The following KLHDC10 variants were observed in gnomAD, a reference collection of about 807,000 sequenced individuals.
KLHDC10 encodes the protein kelch domain containing 10.
A neutral mutation model predicts 56.1 loss-of-function variants in KLHDC10; 24 were observed. The ratio of observed to expected loss-of-function variants is 0.43; its 90% CI spans 0.31 to 0.60. The LOEUF is 0.60. KLHDC10 is among the 20% of genes least tolerant of loss of function. The pLI is 0.11. For synonymous variants in KLHDC10, 188 were observed against 207.1 expected, an observed-to-expected ratio of 0.91 and a Z score of 0.79; for missense variants, 349 against 567.0, an observed-to-expected ratio of 0.62 and a Z score of 3.91.
chr7:130,131,638 G>C lies in KLHDC10; in HGVS notation c.*892G>C, dbSNP rs1796402684. ...GAATTGTAGACCCTAAGTATGTGGT[G>C]TAAATGCCATGTAACATGAACACAA... On this transcript the variant is annotated 3_prime_UTR_variant, in exon 10 of 10. Coordinates refer to ENST00000335420, the MANE Select transcript of KLHDC10 (RefSeq NM_014997.4). 1.3e-5 allele frequency: 2 copies of C among 152,196 alleles called. No homozygotes were observed. Among genetic ancestry groups the C allele is most frequent in the South Asian group, 4.1e-4 (2 of 4,836 alleles). The allele number at this position is 152,196 out of a possible 1,614,324, so 9.4% of individuals were successfully genotyped here.
At chr7:130,071,718 T>C (rs1795413535) in intron 1 of KLHDC10, among the ~76,000 whole-genome samples, 1 of 152,184 alleles carries the variant, frequency 6.6e-6, no homozygotes. Flanking sequence ...AAAAGAACTA[T>C]CAGGAATGAT....
intron 1 of KLHDC10, among the ~76,000 whole-genome samples, chr7:130,095,639 T>G (rs531148202): frequency 6.6e-6 from 1 of 152,316 alleles, no homozygotes; most frequent in South Asian, 2.1e-4. Context: ...GTGATGCCAT[T>G]TCATTATACA....
chr7:130,100,969 A>G (rs1795920708), intron 2 of KLHDC10, among the ~76,000 whole-genome samples: 1 of 151,680 alleles, frequency 6.6e-6, no homozygotes, highest in African/African-American at 2.4e-5. Flanking sequence ...GACAAAACAG[A>G]CATAAGACAA....
chr7:130,114,252 A>G (rs1198769836), intron 2 of KLHDC10, among the ~76,000 whole-genome samples: 1 of 152,236 alleles, frequency 6.6e-6, no homozygotes, highest in Non-Finnish European at 1.5e-5. Context: ...CAAAATGCAT[A>G]GAAAAAATTA....
intron 2 of KLHDC10, among the ~76,000 whole-genome samples, chr7:130,103,436 AT>A (rs1038728501): frequency 1.2e-4 from 18 of 147,210 alleles, no homozygotes; most frequent in Non-Finnish European, 2.4e-4. Flanking sequence ...AAAAAAAAAA[AT>A]CTGAGTTTTC....
In KLHDC10 at chr7:130,095,277, T is replaced by G. The variant is rs192159262; in HGVS notation, c.167-1644T>G. Among the ~76,000 whole-genome samples the G allele has an allele frequency of 3.7e-4, 56 of 151,962 alleles. No individual in the cohort carries two copies. The East Asian group carries it at 0.01, about 28-fold the overall frequency. On this transcript the variant is annotated intron_variant, in intron 1 of 9. Transcript: ENST00000335420. ...TAGATATGGGCTTGCAAATTTTCAGTTTTTCCACGAAAAAATATTAAAAAG... is the reference window on the plus strand; with the variant it reads ...TAGATATGGGCTTGCAAATTTTCAGGTTTTCCACGAAAAAATATTAAAAAG...
chr7:130,110,966 A>G (rs1164487077), intron 2 of KLHDC10, among the ~76,000 whole-genome samples: 3 of 152,098 alleles, frequency 2.0e-5, no homozygotes, highest in African/African-American at 7.2e-5. Context: ...ATATATTTAC[A>G]TTCATATATT....
intron 6 of KLHDC10, among the ~76,000 whole-genome samples, chr7:130,124,954 T>A (rs537274708): frequency 6.6e-6 from 1 of 152,212 alleles, no homozygotes; most frequent in Non-Finnish European, 1.5e-5. Flanking sequence ...TCTAAAGGGC[T>A]GTTATTCATC....
chr7:130,130,927 C>T lies in KLHDC10; in HGVS notation c.*181C>T, dbSNP rs890505460. 6 of 588,806 alleles carry T rather than the reference C, an allele frequency of 1.0e-5. No homozygotes were observed. The highest frequency in any genetic ancestry group is 3.7e-5 in the African/African-American group (2 of 53,644). 36.5% of individuals were successfully genotyped at this position (588,806 alleles called of 1,614,324 possible). On this transcript the variant is annotated 3_prime_UTR_variant, in exon 10 of 10. Transcript: ENST00000335420. This position sits in a 1 kb window ranked among gnomAD's most constrained non-coding sequence, Gnocchi z 4.2. ...AGTTTATGGACATCTCACTTTCCCA[C>T]GTGCTTCCTTCTTTGCTTCTGTTCC...
At chr7:130,110,574 A>G (rs373896492) in intron 2 of KLHDC10, among the ~76,000 whole-genome samples, 2 of 152,320 alleles carry the variant, frequency 1.3e-5, no homozygotes, top group East Asian at 1.9e-4. Flanking sequence ...CTCTGGGAGT[A>G]GTAAAAAGTT....
chr7:130,103,715 T>G (rs1440421367), intron 2 of KLHDC10, among the ~76,000 whole-genome samples: 1 of 152,048 alleles, frequency 6.6e-6, no homozygotes, highest in East Asian at 1.9e-4. Context: ...AATGTTTAAG[T>G]GGGGGGGTCA....
intron 4 of KLHDC10, 128 bp downstream of exon 4, chr7:130,121,031 T>C: frequency 1.1e-6 from 1 of 886,564 alleles, no homozygotes; most frequent in South Asian, 1.9e-5. Context: ...AGTACTTGAT[T>C]TTTTAGTTCT....
At chr7:130,104,718 G>T (rs1391013334) in intron 2 of KLHDC10, among the ~76,000 whole-genome samples, 1 of 152,192 alleles carries the variant, frequency 6.6e-6, no homozygotes, top group Non-Finnish European at 1.5e-5. Flanking sequence ...GTGGGAGCAG[G>T]TGTCTTACAT....
intron 2 of KLHDC10, among the ~76,000 whole-genome samples, chr7:130,098,034 T>TA (rs1222064474): frequency 6.6e-6 from 1 of 151,978 alleles, no homozygotes; most frequent in Non-Finnish European, 1.5e-5. Context: ...TTTTTTTTTT[T>TA]AACCTAGGAA....
chr7:130,115,047 AT>A (rs147974564), intron 2 of KLHDC10, among the ~76,000 whole-genome samples: 9,044 of 152,252 alleles, frequency 0.059, 318 homozygotes, highest in South Asian at 0.13. Context: ...GTTGCTCTCA[AT>A]CTGTGCACAA....
intron 1 of KLHDC10, among the ~76,000 whole-genome samples, chr7:130,073,035 C>T (rs912672281): frequency 1.3e-5 from 2 of 152,006 alleles, no homozygotes; most frequent in African/African-American, 4.8e-5. Flanking sequence ...GGATTACAGG[C>T]GTGAGCCACC....
intron 2 of KLHDC10, among the ~76,000 whole-genome samples, chr7:130,103,239 T>A (rs1464364166): frequency 2.0e-5 from 3 of 151,844 alleles, no homozygotes; most frequent in Non-Finnish European, 4.4e-5. Flanking sequence ...GCCTGGCCAA[T>A]ATGGTGAAAC....
chr7:130,112,323 A>G (rs1322944668), intron 2 of KLHDC10, among the ~76,000 whole-genome samples: 2 of 152,220 alleles, frequency 1.3e-5, no homozygotes, highest in Admixed American at 6.5e-5. Flanking sequence ...TCCTTGTGAC[A>G]TGGAAGAGAG....
At chr7:130,088,982 A>G (rs1353999534) in intron 1 of KLHDC10, among the ~76,000 whole-genome samples, 1 of 152,096 alleles carries the variant, frequency 6.6e-6, no homozygotes, top group Non-Finnish European at 1.5e-5. Flanking sequence ...AAGGAAGGAG[A>G]TGATACTCAA....
Sources: gnomAD v4.1 joint callset for allele counts (sites outside exome capture counted in the v4.1 genomes callset) on GRCh38, gnomAD v4.1.1 for gene constraint, Gnocchi (gnomAD v3.1) non-coding constraint, MANE v1.5 for transcripts, NCBI Gene and HGNC (gene_info 2026-07-23, HGNC 2026-07-21) for gene names.